LNP1: variants seen among roughly 807,000 people sequenced by gnomAD.
The protein encoded by LNP1 is leukemia NUP98 fusion partner 1.
Under a neutral mutation model 14.5 loss-of-function variants are expected in LNP1, and 12 were observed. The observed-to-expected ratio is 0.83, with a 90% CI of 0.53 to 1.34. The LOEUF is 1.34. LNP1 is among the 40% of genes most tolerant of loss of function. LNP1 has a pLI of 0.00. For synonymous variants in LNP1, 75 were observed against 71.4 expected (o/e 1.05, Z -0.26); for missense variants, 198 against 210.9 (o/e 0.94, Z 0.38).
chr3:100,415,540 AG>A (rs1470335745), intron 1 of LNP1, among the ~76,000 whole-genome samples: 1 of 152,222 alleles, frequency 6.6e-6, no homozygotes, highest in East Asian at 1.9e-4. Flanking sequence ...ACTACTTTAG[AG>A]AGGCAACCAT....
intron 2 of LNP1, among the ~76,000 whole-genome samples, chr3:100,448,710 A>G (rs79425280): frequency 6.6e-6 from 1 of 152,156 alleles, no homozygotes; most frequent in African/African-American, 2.4e-5. Flanking sequence ...TTTTCCTGAT[A>G]AAGTATTTGA....
chr3:100,424,163 T>C (rs1228585573), intron 1 of LNP1, among the ~76,000 whole-genome samples: 1 of 152,192 alleles, frequency 6.6e-6, no homozygotes, highest in Admixed American at 6.5e-5. Flanking sequence ...CAAATCCCTT[T>C]TTCTTTCTGG....
chr3:100,408,375 G>A (rs958335906), intron 1 of LNP1, among the ~76,000 whole-genome samples: 7 of 152,198 alleles, frequency 4.6e-5, no homozygotes, highest in South Asian at 2.1e-4. Context: ...CTGAAATCCC[G>A]TAGTCACTGA....
At chr3:100,417,730 C>T (rs565365741) in intron 1 of LNP1, among the ~76,000 whole-genome samples, 20 of 151,958 alleles carry the variant, frequency 1.3e-4, no homozygotes, top group Non-Finnish European at 2.5e-4. Flanking sequence ...TTCAGGAAAG[C>T]GTTTATTTGA....
intron 2 of LNP1, among the ~76,000 whole-genome samples, chr3:100,433,492 A>C (rs549206837): frequency 6.6e-6 from 1 of 152,206 alleles, no homozygotes; most frequent in African/African-American, 2.4e-5. Context: ...GGTTGGTCCT[A>C]TGTCTTTGCT....
intron 1 of LNP1, among the ~76,000 whole-genome samples, chr3:100,415,836 T>G (rs544728117): frequency 6.6e-6 from 1 of 152,338 alleles, no homozygotes; most frequent in East Asian, 1.9e-4. Context: ...AAGCTTCTTC[T>G]ATGACTGCTA....
At chr3:100,410,800 CT>C (rs1707025028) in intron 1 of LNP1, among the ~76,000 whole-genome samples, 1 of 152,202 alleles carries the variant, frequency 6.6e-6, no homozygotes, top group Non-Finnish European at 1.5e-5. Context: ...TCTGAAAATA[CT>C]TTATCCTTCA....
chr3:100,443,339 C>G (rs577238159), intron 2 of LNP1, among the ~76,000 whole-genome samples: 1 of 152,204 alleles, frequency 6.6e-6, no homozygotes, highest in Non-Finnish European at 1.5e-5. Flanking sequence ...ATTTTTCTCT[C>G]TCCAGTTTCC....
At chr3:100,423,375 C>T (rs915172884) in intron 1 of LNP1, among the ~76,000 whole-genome samples, 2 of 152,008 alleles carry the variant, frequency 1.3e-5, no homozygotes, top group Admixed American at 6.6e-5. Flanking sequence ...AAGGGAAAAT[C>T]GGATGGGCGT....
intron 1 of LNP1, among the ~76,000 whole-genome samples, chr3:100,419,395 A>T (rs1707122487): frequency 6.6e-6 from 1 of 152,180 alleles, no homozygotes; most frequent in Non-Finnish European, 1.5e-5. Context: ...TCTAATGTTG[A>T]CATCTTGTAT....
At chr3:100,412,236 G>A (rs1707038122) in intron 1 of LNP1, among the ~76,000 whole-genome samples, 1 of 152,142 alleles carries the variant, frequency 6.6e-6, no homozygotes. Flanking sequence ...CACTTTCTTA[G>A]GAACTAATCT....
At chr3:100,409,591 C>CACAT (rs1491203310) in intron 1 of LNP1, among the ~76,000 whole-genome samples, 5 of 94,986 alleles carry the variant, frequency 5.3e-5, no homozygotes, top group African/African-American at 1.6e-4. Flanking sequence ...CACACACACA[C>CACAT]ATATATATAT....
chr3:100,432,133 C>T (rs1203419432), intron 2 of LNP1, among the ~76,000 whole-genome samples: 2 of 147,098 alleles, frequency 1.4e-5, no homozygotes, highest in Non-Finnish European at 3.0e-5. Context: ...GAAAAGCTTA[C>T]TCTTATCCTT....
chr3:100,411,273 G>T (rs762818176), intron 1 of LNP1, among the ~76,000 whole-genome samples: 1 of 152,174 alleles, frequency 6.6e-6, no homozygotes, highest in Non-Finnish European at 1.5e-5. Flanking sequence ...TGACTTGTCT[G>T]GTTTCACAGG....
intron 2 of LNP1, among the ~76,000 whole-genome samples, chr3:100,435,041 A>G (rs1249061982): frequency 2.6e-5 from 4 of 152,134 alleles, no homozygotes; most frequent in African/African-American, 9.7e-5. Context: ...CTGGGAGAGA[A>G]CACATACTAT....
At chr3:100,419,408 C>G (rs1231482310) in intron 1 of LNP1, among the ~76,000 whole-genome samples, 1 of 152,120 alleles carries the variant, frequency 6.6e-6, no homozygotes, top group East Asian at 1.9e-4. Flanking sequence ...TCTTGTATAA[C>G]TATAGTATAA....
chr3:100,428,199 G>A (rs907063604), intron 1 of LNP1, among the ~76,000 whole-genome samples: 20 of 152,270 alleles, frequency 1.3e-4, no homozygotes, highest in African/African-American at 4.3e-4. Flanking sequence ...TCAGTAAAAT[G>A]TCATACAAAT....
intron 1 of LNP1, among the ~76,000 whole-genome samples, chr3:100,408,631 G>A (rs995510313): frequency 1.3e-5 from 2 of 152,158 alleles, no homozygotes; most frequent in Admixed American, 6.5e-5. Flanking sequence ...ATCTGCTGCC[G>A]GGATGGGTCT....
At chr3:100,432,483 T>C (rs1707251999) in intron 2 of LNP1, among the ~76,000 whole-genome samples, 1 of 152,144 alleles carries the variant, frequency 6.6e-6, no homozygotes, top group South Asian at 2.1e-4. Context: ...GTCAGTCTAG[T>C]AGAAAATACA....
Sources: allele counts gnomAD v4.1 joint callset (sites outside exome capture counted in the v4.1 genomes callset), GRCh38; gene constraint gnomAD v4.1.1; transcripts MANE v1.5; gene names NCBI Gene and HGNC (gene_info 2026-07-23, HGNC 2026-07-21).